Variants in ADK observed in about 807,000 individuals in gnomAD.
ADK encodes the protein N6,N6-dimethyladenosine kinase.
ADK carries 24 observed loss-of-function variants against 44.7 expected under a neutral mutation model. The ratio of observed to expected loss-of-function variants is 0.54; its 90% CI spans 0.39 to 0.76. ADK has a LOEUF of 0.76. Ranked by LOEUF, ADK falls within the 30% of genes least tolerant of loss-of-function variation. The pLI is 0.00. For synonymous variants in ADK, 128 were observed against 142.6 expected (o/e 0.90, Z 0.73); for missense variants, 321 against 425.1 (o/e 0.76, Z 2.15).
intron 9 of ADK, among the ~76,000 whole-genome samples, chr10:74,642,385 A>G (rs1853890569): frequency 1.3e-5 from 2 of 149,804 alleles, no homozygotes; most frequent in South Asian, 4.2e-4. Context: ...TTTTAATTTA[A>G]AAAGAGACAG....
intron 3 of ADK, among the ~76,000 whole-genome samples, chr10:74,240,308 T>C (rs1845156271): frequency 6.6e-6 from 1 of 152,028 alleles, no homozygotes. Context: ...AGATGATATA[T>C]AATCCTATCA....
At chr10:74,655,641 C>T (rs922309826) in intron 9 of ADK, 5 of 440,192 alleles carry the variant, frequency 1.1e-5, no homozygotes, top group South Asian at 1.9e-5. Context: ...ATAAAGGCTC[C>T]TTCCAGAGCA....
At chr10:74,696,617 G>A (rs934182650) in intron 10 of ADK, among the ~76,000 whole-genome samples, 2 of 151,898 alleles carry the variant, frequency 1.3e-5, no homozygotes, top group South Asian at 2.1e-4. Context: ...TGATCTGCCC[G>A]CCTCGGCCTC....
At chr10:74,667,953 A>G (rs1017540264) in intron 9 of ADK, among the ~76,000 whole-genome samples, 3 of 152,208 alleles carry the variant, frequency 2.0e-5, no homozygotes, top group Non-Finnish European at 4.4e-5. Context: ...CGAGGAGCTC[A>G]AGGAATTCTA....
At chr10:74,592,084 G>A (rs1197646289) in intron 8 of ADK, among the ~76,000 whole-genome samples, 1 of 152,034 alleles carries the variant, frequency 6.6e-6, no homozygotes, top group Admixed American at 6.6e-5. Flanking sequence ...GTGAGAAGCA[G>A]CAGCTTAGGA....
intron 3 of ADK, among the ~76,000 whole-genome samples, chr10:74,271,527 G>T: frequency 8.7e-5 from 1 of 11,448 alleles, no homozygotes; most frequent in Non-Finnish European, 1.7e-4. Context: ...TCATCATTTA[G>T]CATTAGTATA....
chr10:74,670,291 TCTTA>T (rs1855122233), intron 10 of ADK, 22 bp downstream of exon 10: 3 of 1,576,912 alleles, frequency 1.9e-6, no homozygotes, highest in Non-Finnish European at 2.6e-6. Flanking sequence ...TTTATTTCAT[TCTTA>T]CTTACAAGTA....
intron 3 of ADK, among the ~76,000 whole-genome samples, chr10:74,305,233 T>A (rs1402982721): frequency 6.6e-6 from 1 of 152,218 alleles, no homozygotes; most frequent in African/African-American, 2.4e-5. Context: ...ATGTGGAACA[T>A]ACGGATATGG....
At chr10:74,188,343 ATTTTTTTT>A (rs765922880) in intron 1 of ADK, among the ~76,000 whole-genome samples, 1 of 81,368 alleles carries the variant, frequency 1.2e-5, no homozygotes. Flanking sequence ...TGTATTTTTA[ATTTTTTTT>A]TTTTTTTTTT....
Position 74,370,978 on chromosome 10 carries a change from A to C in ADK, c.274-23163A>C, listed in dbSNP as rs1206943233. On this transcript the variant is annotated intron_variant, in intron 4 of 10. Coordinates refer to ENST00000539909, the MANE Select transcript of ADK (RefSeq NM_006721.4). ...ATTGTGGAGATGTATTTATACTGTTAGTTTCAGGATATCTGTACTGATCAT... is the reference window on the plus strand; with the variant it reads ...ATTGTGGAGATGTATTTATACTGTTCGTTTCAGGATATCTGTACTGATCAT... 5.9e-5 allele frequency among the ~76,000 whole-genome samples: 9 copies of C among 152,194 alleles called. No homozygotes were observed. The South Asian group carries it at 1.0e-3, about 17-fold the overall frequency.
At chr10:74,480,955 T>C (rs929700745) in intron 6 of ADK, among the ~76,000 whole-genome samples, 2 of 152,208 alleles carry the variant, frequency 1.3e-5, no homozygotes, top group Non-Finnish European at 2.9e-5. Flanking sequence ...TCTTTTCCTG[T>C]CTTCCATTTC....
intron 6 of ADK, among the ~76,000 whole-genome samples, chr10:74,522,085 C>T (rs1348834831): frequency 3.9e-5 from 6 of 151,992 alleles, no homozygotes; most frequent in South Asian, 4.1e-4. Context: ...CCCTCTGTAA[C>T]GAAACAGATT....
At chr10:74,248,325 C>T (rs1033003140) in intron 3 of ADK, among the ~76,000 whole-genome samples, 14 of 151,890 alleles carry the variant, frequency 9.2e-5, no homozygotes, top group African/African-American at 2.9e-4. Flanking sequence ...GCAAATGAAT[C>T]AGTAGATGGA....
chr10:74,443,334 A>G (rs559040759), intron 6 of ADK, among the ~76,000 whole-genome samples: 17 of 152,182 alleles, frequency 1.1e-4, no homozygotes, highest in African/African-American at 3.9e-4. Flanking sequence ...AAAATGTATT[A>G]TATCCACACA....
chr10:74,592,151 G>A (rs1330887029), intron 8 of ADK, among the ~76,000 whole-genome samples: 2 of 151,994 alleles, frequency 1.3e-5, no homozygotes, highest in Non-Finnish European at 2.9e-5. Flanking sequence ...GCATAAGAGA[G>A]GATTTTTTTA....
At chr10:74,649,746 G>C (rs996818428) in intron 9 of ADK, among the ~76,000 whole-genome samples, 8 of 152,168 alleles carry the variant, frequency 5.3e-5, no homozygotes, top group Admixed American at 2.6e-4. Flanking sequence ...TTAATGTATA[G>C]TCAAGAAGGA....
intron 7 of ADK, among the ~76,000 whole-genome samples, chr10:74,540,073 G>A (rs1252521055): frequency 6.6e-6 from 1 of 152,098 alleles, no homozygotes; most frequent in Non-Finnish European, 1.5e-5. Context: ...CTCTGAAGAT[G>A]AAATGCTTTT....
chr10:74,507,572 GCCACT>G (rs1848132266), intron 6 of ADK, among the ~76,000 whole-genome samples: 1 of 151,824 alleles, frequency 6.6e-6, no homozygotes, highest in Non-Finnish European at 1.5e-5. Flanking sequence ...CCGAGATCGT[GCCACT>G]CCACTCCAGC....
At chr10:74,343,098 T>C (rs554181842) in intron 4 of ADK, among the ~76,000 whole-genome samples, 1 of 152,264 alleles carries the variant, frequency 6.6e-6, no homozygotes, top group Middle Eastern at 3.4e-3. Context: ...ACCATTAAGT[T>C]TGATGTTTCT....
Sources: allele counts gnomAD v4.1 joint callset (sites outside exome capture counted in the v4.1 genomes callset), GRCh38; gene constraint gnomAD v4.1.1; transcripts MANE v1.5; gene names NCBI Gene and HGNC (gene_info 2026-07-23, HGNC 2026-07-21).